Variants in PRKG1 observed in about 807,000 individuals in gnomAD.
The protein encoded by PRKG1 is protein kinase cGMP-dependent 1.
PRKG1 carries 35 observed loss-of-function variants against 88.1 expected under a neutral mutation model. That is an observed-to-expected ratio of 0.40 (90% CI 0.30 to 0.53). PRKG1 has a LOEUF of 0.53. Among genes scored for constraint, PRKG1 ranks in the 20% least tolerant of loss-of-function variants. The probability of loss-of-function intolerance (pLI) is 0.59; values close to 1 mark genes in which losing one functional copy is unlikely to be tolerated. For synonymous variants in PRKG1, 303 were observed against 292.5 expected (o/e 1.04, Z -0.37); for missense variants, 540 against 839.8 (o/e 0.64, Z 4.41).
Position 51,516,531 on chromosome 10 carries a change from G to A in PRKG1, c.592+48695G>A, listed in dbSNP as rs550690453. Reference sequence around the variant, plus strand: ...TTTCAAGCTTTTTGGCTTGAAGGTGGGGTTTTGCCAGGGACCCACTGCTTT... The same window carrying A: ...TTTCAAGCTTTTTGGCTTGAAGGTGAGGTTTTGCCAGGGACCCACTGCTTT... On this transcript the variant is annotated intron_variant, in intron 3 of 17. Coordinates refer to ENST00000373980, the MANE Select transcript of PRKG1 (RefSeq NM_006258.4). 7.2e-5 allele frequency among the ~76,000 whole-genome samples: 11 copies of A among 152,260 alleles called. No homozygotes were observed. In the East Asian group the frequency reaches 2.1e-3, roughly 29 times the overall value.
At chr10:51,971,680 C>T (rs1843717111) in intron 5 of PRKG1, among the ~76,000 whole-genome samples, 2 of 152,086 alleles carry the variant, frequency 1.3e-5, no homozygotes, top group Admixed American at 1.3e-4. Flanking sequence ...TCTTGTTATA[C>T]AGTGAACTGA....
chr10:51,515,074 C>T (rs910865521), intron 3 of PRKG1, among the ~76,000 whole-genome samples: 2 of 152,164 alleles, frequency 1.3e-5, no homozygotes, highest in African/African-American at 2.4e-5. Flanking sequence ...GTAAAACTGA[C>T]ACCCTGCCTC....
At chr10:51,314,132 A>T (rs1164475315) in intron 2 of PRKG1, among the ~76,000 whole-genome samples, 2 of 152,206 alleles carry the variant, frequency 1.3e-5, no homozygotes, top group Non-Finnish European at 2.9e-5. Context: ...ATTTGTGTAC[A>T]TGTATGTACA....
intron 4 of PRKG1, among the ~76,000 whole-genome samples, chr10:51,840,327 T>C (rs1840239485): frequency 6.6e-6 from 1 of 152,138 alleles, no homozygotes; most frequent in Non-Finnish European, 1.5e-5. Flanking sequence ...ATTTCATTTT[T>C]TAAAAGATTT....
intron 3 of PRKG1, among the ~76,000 whole-genome samples, chr10:51,528,520 A>G (rs1841936722): frequency 6.6e-6 from 1 of 151,912 alleles, no homozygotes; most frequent in East Asian, 1.9e-4. Flanking sequence ...TAAGTGGAAC[A>G]TTAGGTTTCC....
chr10:52,189,023 A>G (rs1443629203), intron 9 of PRKG1, among the ~76,000 whole-genome samples: 1 of 152,178 alleles, frequency 6.6e-6, no homozygotes. Context: ...GTTTATTGTG[A>G]GGTTATTTAA....
At chr10:52,092,031 G>A (rs1029402862) in intron 7 of PRKG1, among the ~76,000 whole-genome samples, 10 of 152,142 alleles carry the variant, frequency 6.6e-5, no homozygotes, top group Non-Finnish European at 1.3e-4. Context: ...TTTCCTTCTT[G>A]ATTGCTAATG....
chr10:51,331,518 T>A (rs1169205236), intron 2 of PRKG1, among the ~76,000 whole-genome samples: 1 of 152,140 alleles, frequency 6.6e-6, no homozygotes, highest in Non-Finnish European at 1.5e-5. Flanking sequence ...CTTTCCTCTC[T>A]TTTCTCCAAG....
At chr10:51,563,951 A>C (rs1564551590) in intron 3 of PRKG1, among the ~76,000 whole-genome samples, 1 of 152,108 alleles carries the variant, frequency 6.6e-6, no homozygotes, top group African/African-American at 2.4e-5. Context: ...AAAAGAACTA[A>C]CTTCTTCTGT....
chr10:51,942,338 G>T (rs1842928039), intron 5 of PRKG1, among the ~76,000 whole-genome samples: 1 of 151,986 alleles, frequency 6.6e-6, no homozygotes, highest in Non-Finnish European at 1.5e-5. Flanking sequence ...GTTCATTGTA[G>T]ATTCTAGATA....
chr10:51,459,556 T>A (rs1839686680), intron 2 of PRKG1, among the ~76,000 whole-genome samples: 1 of 152,170 alleles, frequency 6.6e-6, no homozygotes, highest in Non-Finnish European at 1.5e-5. Context: ...ACGTATATAT[T>A]CTTTGTCTTG....
chr10:52,205,658 C>T (rs1189273126), intron 9 of PRKG1, among the ~76,000 whole-genome samples: 1 of 152,080 alleles, frequency 6.6e-6, no homozygotes, highest in Non-Finnish European at 1.5e-5. Flanking sequence ...TTTATTTCTC[C>T]TTCTTTTATG....
chr10:51,180,517 A>G (rs1240982825), intron 2 of PRKG1, among the ~76,000 whole-genome samples: 2 of 152,242 alleles, frequency 1.3e-5, no homozygotes, highest in Non-Finnish European at 2.9e-5. Flanking sequence ...CCCATTGAAC[A>G]TATATGAAAA....
In PRKG1 at chr10:52,137,594, A is replaced by G. The variant is rs889292787; in HGVS notation, c.1001+3689A>G. ...CAATATAAAATGGCATAATATTTGC[A>G]TATAACCTATGCATGTCTTCCCTGT... On this transcript the variant is annotated intron_variant, in intron 8 of 17. Coordinates refer to ENST00000373980, the MANE Select transcript of PRKG1 (RefSeq NM_006258.4). Among the ~76,000 whole-genome samples, 4 of 152,146 alleles carry G rather than the reference A, an allele frequency of 2.6e-5. No homozygotes were observed. In the South Asian group the frequency reaches 8.3e-4, roughly 31 times the overall value.
chr10:51,012,287 C>A (rs1004149509), intron 1 of PRKG1, among the ~76,000 whole-genome samples: 1 of 152,114 alleles, frequency 6.6e-6, no homozygotes, highest in Non-Finnish European at 1.5e-5. Flanking sequence ...TTGGGAGGAA[C>A]AATAAGTAGT....
intron 7 of PRKG1, among the ~76,000 whole-genome samples, chr10:52,076,967 TACA>T (rs1164632715): frequency 4.0e-5 from 6 of 150,718 alleles, no homozygotes; most frequent in East Asian, 1.9e-4. Context: ...TATAAAATAG[TACA>T]ACAACTTTGG....
intron 3 of PRKG1, among the ~76,000 whole-genome samples, chr10:51,544,669 C>G (rs376280667): frequency 1.1e-4 from 17 of 152,102 alleles, no homozygotes; most frequent in African/African-American, 3.6e-4. Context: ...TACAGTCCCA[C>G]CAACAGTGTA....
At chr10:51,745,332 AT>A (rs1444007012) in intron 3 of PRKG1, among the ~76,000 whole-genome samples, 1 of 151,962 alleles carries the variant, frequency 6.6e-6, no homozygotes, top group Non-Finnish European at 1.5e-5. Flanking sequence ...TGAAGACTTC[AT>A]TTTTTTAGAG....
chr10:51,920,714 T>A (rs909428315), intron 5 of PRKG1, among the ~76,000 whole-genome samples: 2 of 152,160 alleles, frequency 1.3e-5, no homozygotes, highest in Admixed American at 1.3e-4. Flanking sequence ...CTAAGCTCCA[T>A]TTGTTTTCTT....
Sources: allele counts gnomAD v4.1 joint callset (sites outside exome capture counted in the v4.1 genomes callset), GRCh38; gene constraint gnomAD v4.1.1; transcripts MANE v1.5; gene names NCBI Gene and HGNC (gene_info 2026-07-23, HGNC 2026-07-21).